ABHD2: variants seen among roughly 807,000 people sequenced by gnomAD.
ABHD2 encodes the protein monoacylglycerol lipase ABHD2.
ABHD2 carries 20 observed loss-of-function variants against 48.1 expected under a neutral mutation model. The ratio of observed to expected loss-of-function variants is 0.42; its 90% CI spans 0.29 to 0.60. The LOEUF (loss-of-function observed/expected upper bound fraction) is 0.60. Among genes scored for constraint, ABHD2 ranks in the 20% least tolerant of loss-of-function variants. The pLI, the probability that ABHD2 is intolerant of heterozygous loss-of-function variation, is 0.24. For synonymous variants in ABHD2, 209 were observed against 214.2 expected (o/e 0.98, Z 0.21); for missense variants, 405 against 550.9 (o/e 0.74, Z 2.65).
intron 3 of ABHD2, among the ~76,000 whole-genome samples, chr15:89,122,930 A>T (rs1474695605): frequency 6.6e-6 from 1 of 152,226 alleles, no homozygotes; most frequent in Non-Finnish European, 1.5e-5. Context: ...GATCCAAGAG[A>T]CATCTAGAAG....
At chr15:89,144,735 G>T (rs1228794820) in intron 3 of ABHD2, among the ~76,000 whole-genome samples, 1 of 152,216 alleles carries the variant, frequency 6.6e-6, no homozygotes, top group African/African-American at 2.4e-5. Context: ...CTTTCCTTTT[G>T]CAGTGATGAA....
At chr15:89,149,069 G>A (rs2050546120) in intron 3 of ABHD2, among the ~76,000 whole-genome samples, 1 of 152,134 alleles carries the variant, frequency 6.6e-6, no homozygotes, top group African/African-American at 2.4e-5. Flanking sequence ...AAACCCTGGT[G>A]TTGTATTATT....
At position 89,174,518 on chromosome 15, in the gene ABHD2, A is replaced by C. The variant is rs1480900873; in HGVS notation, c.539-1294A>C. On this transcript the variant is annotated intron_variant, in intron 5 of 10. Transcript: ENST00000352732. This position sits in a 1 kb window ranked among gnomAD's most constrained non-coding sequence, Gnocchi z 4.1. ...CCTGGCTTAGGCTACATCCTACCAC[A>C]AAAGAAGACAGATATAAGGGGAGTT... Among the ~76,000 whole-genome samples the C allele has an allele frequency of 6.6e-6, 1 of 152,198 alleles. No homozygotes were observed. The highest frequency in any genetic ancestry group is 1.5e-5 in the Non-Finnish European group (1 of 68,036).
intron 3 of ABHD2, among the ~76,000 whole-genome samples, chr15:89,150,633 A>G (rs1316263909): frequency 6.6e-6 from 1 of 151,724 alleles, no homozygotes; most frequent in Non-Finnish European, 1.5e-5. Context: ...ACACACACAT[A>G]CAAGGAGTAA....
the ABHD2 span, among the ~76,000 whole-genome samples, chr15:89,078,157 T>C: frequency 1.1e-4 from 16 of 152,178 alleles, no homozygotes; most frequent in African/African-American, 3.9e-4. Context: ...CACATCACTG[T>C]TATTCTTTTC....
the ABHD2 span, among the ~76,000 whole-genome samples, chr15:89,064,883 A>T: frequency 6.6e-6 from 1 of 152,148 alleles, no homozygotes; most frequent in African/African-American, 2.4e-5. Flanking sequence ...CTCCCAGCTG[A>T]AGAAATAGAG....
chr15:89,056,115 AG>A, the ABHD2 span, among the ~76,000 whole-genome samples: 5 of 152,322 alleles, frequency 3.3e-5, no homozygotes, highest in South Asian at 1.0e-3. Flanking sequence ...AGACTCCCAA[AG>A]TGCTGGGATT....
intron 3 of ABHD2, among the ~76,000 whole-genome samples, chr15:89,141,866 A>G (rs1176933646): frequency 6.6e-6 from 1 of 152,240 alleles, no homozygotes; most frequent in African/African-American, 2.4e-5. Flanking sequence ...AGTTCAAGAT[A>G]ACCTTTAAAA....
At chr15:89,051,808 C>T in the ABHD2 span, among the ~76,000 whole-genome samples, 2 of 152,148 alleles carry the variant, frequency 1.3e-5, no homozygotes, top group Admixed American at 6.6e-5. Context: ...AAACCTCTTT[C>T]CTTTATAAAT....
At chr15:89,068,754 CT>C in the ABHD2 span, among the ~76,000 whole-genome samples, 75 of 71,364 alleles carry the variant, frequency 1.1e-3, no homozygotes, top group Non-Finnish European at 9.4e-4. Context: ...CAAGCTTCCT[CT>C]TTTTTTTTTT....
chr15:89,179,779 C>G lies in ABHD2; in HGVS notation c.722+3784C>G, dbSNP rs937667091. Among the ~76,000 whole-genome samples the G allele has an allele frequency of 6.6e-6, 1 of 152,174 alleles. No homozygotes were observed. The highest frequency in any genetic ancestry group is 1.5e-5 in the Non-Finnish European group (1 of 68,028). On this transcript the variant is annotated intron_variant, in intron 6 of 10. Coordinates refer to ENST00000352732, the MANE Select transcript of ABHD2 (RefSeq NM_152924.5). The surrounding 1 kb of genome is among the most constrained non-coding windows in gnomAD (Gnocchi z 4.3). ...TAGGGGAATTATCAGAGGAGTGTTT[C>G]AAATCTCCTTAAAGGCACATTATAC... is the stretch of plus-strand genomic sequence containing the variant.
intron 5 of ABHD2, among the ~76,000 whole-genome samples, chr15:89,156,357 G>A (rs1268974520): frequency 3.3e-5 from 5 of 151,232 alleles, no homozygotes; most frequent in Non-Finnish European, 5.9e-5. Context: ...TCCTGACCTC[G>A]TGATCTGCCC....
chr15:89,083,844 C>T (rs1437987478), upstream of ABHD2, among the ~76,000 whole-genome samples: 2 of 152,314 alleles, frequency 1.3e-5, no homozygotes, highest in East Asian at 3.9e-4. This position sits in a 1 kb window ranked among gnomAD's most constrained non-coding sequence, Gnocchi z 5.1. Flanking sequence ...CTATTGCATG[C>T]TGGGACTTAA....
At chr15:89,049,710 C>T in the ABHD2 span, among the ~76,000 whole-genome samples, 1 of 152,236 alleles carries the variant, frequency 6.6e-6, no homozygotes, top group Non-Finnish European at 1.5e-5. Flanking sequence ...TGACCCCTTG[C>T]ACTTCCCAAG....
At position 89,146,733 on chromosome 15, in the gene ABHD2, T is replaced by C. The variant is rs1125105; in HGVS notation, c.195-4944T>C. Reference sequence around the variant, plus strand: ...AGACAGAAAGACATGCAAATTAGCGTAGTAAAAATGGAATATTCTGTAAAA... The same window carrying C: ...AGACAGAAAGACATGCAAATTAGCGCAGTAAAAATGGAATATTCTGTAAAA... On this transcript the variant is annotated intron_variant, in intron 3 of 10. Transcript: ENST00000352732. This position sits in a 1 kb window ranked among gnomAD's most constrained non-coding sequence, Gnocchi z 4.2. Among the ~76,000 whole-genome samples the C allele has an allele frequency of 0.39, 59,853 of 151,922 alleles. 12,586 individuals are homozygous for C. The highest frequency in any genetic ancestry group is 0.81 in the East Asian group (4,221 of 5,184).
chr15:89,182,528 G>C lies in ABHD2; in HGVS notation c.723-2896G>C, dbSNP rs1445041934. On this transcript the variant is annotated intron_variant, in intron 6 of 10. Coordinates refer to ENST00000352732, the MANE Select transcript of ABHD2 (RefSeq NM_152924.5). This position sits in a 1 kb window ranked among gnomAD's most constrained non-coding sequence, Gnocchi z 4.8. The stretch of plus-strand genomic sequence containing the variant: ...AGGCCAGGTGAAGTGCCTCACGCCT[G>C]TAATTCCAACACTTTGGAAGGAGGC... Among the ~76,000 whole-genome samples, 2 of 152,156 alleles carry C rather than the reference G, an allele frequency of 1.3e-5. No individual in the cohort carries two copies. Among genetic ancestry groups the C allele is most frequent in the Non-Finnish European group, 2.9e-5 (2 of 68,036 alleles).
intron 9 of ABHD2, among the ~76,000 whole-genome samples, chr15:89,192,194 T>C (rs1484049089): frequency 6.6e-6 from 1 of 152,200 alleles, no homozygotes; most frequent in African/African-American, 2.4e-5. Flanking sequence ...CTGGAAACTG[T>C]AGTTGTGCTG....
In ABHD2 at chr15:89,137,528, G is replaced by A. The variant is rs1355916190; in HGVS notation, c.195-14149G>A. On this transcript the variant is annotated intron_variant, in intron 3 of 10. Coordinates refer to ENST00000352732, the MANE Select transcript of ABHD2 (RefSeq NM_152924.5). The surrounding 1 kb of genome is among the most constrained non-coding windows in gnomAD (Gnocchi z 4.8). ...AGCCTGGCCCAGTGGCCTCCGTCCT[G>A]TATTTAGAAACCAGTTCGGGAACGG... 6.6e-6 allele frequency among the ~76,000 whole-genome samples: 1 copy of A among 152,224 alleles called. No individual in the cohort carries two copies. Among genetic ancestry groups the A allele is most frequent in the Non-Finnish European group, 1.5e-5 (1 of 68,038 alleles).
the ABHD2 span, among the ~76,000 whole-genome samples, chr15:89,052,788 T>C: frequency 1.3e-5 from 2 of 152,138 alleles, no homozygotes; most frequent in African/African-American, 4.8e-5. Flanking sequence ...CACATTTCTG[T>C]GGTTTAAGCC....
Sources: gnomAD v4.1 joint callset for allele counts (sites outside exome capture counted in the v4.1 genomes callset) on GRCh38, gnomAD v4.1.1 for gene constraint, Gnocchi (gnomAD v3.1) non-coding constraint, MANE v1.5 for transcripts, NCBI Gene and HGNC (gene_info 2026-07-23, HGNC 2026-07-21) for gene names.